SYT6: variants seen among roughly 807,000 people sequenced by gnomAD.
SYT6 encodes synaptotagmin-6.
Under a neutral mutation model 38.4 loss-of-function variants are expected in SYT6, and 24 were observed. That is an observed-to-expected ratio of 0.62 (90% CI 0.45 to 0.88). The LOEUF (loss-of-function observed/expected upper bound fraction) is 0.88, where lower values mean the gene tolerates loss of function less well. Ranked by LOEUF, SYT6 falls within the 40% of genes least tolerant of loss-of-function variation. The pLI, the probability that SYT6 is intolerant of heterozygous loss-of-function variation, is 0.00. For missense variants in SYT6, 611 were observed against 621.0 expected (o/e 0.98, Z 0.17); for synonymous variants, 265 against 241.9 (o/e 1.10, Z -0.89).
intron 1 of SYT6, among the ~76,000 whole-genome samples, chr1:114,142,764 A>G (rs1678931356): frequency 2.0e-5 from 3 of 152,334 alleles, no homozygotes; most frequent in Middle Eastern, 3.4e-3. Flanking sequence ...GCAGCCATCA[A>G]CATCGAAGCA....
rs561898883 is a variant in SYT6 at position 114,090,698 on chromosome 1, C to G, written c.*1436G>C. 6.6e-6 allele frequency: 1 copy of G among 152,306 alleles called. No individual in the cohort carries two copies. Among genetic ancestry groups the G allele is most frequent in the Non-Finnish European group, 1.5e-5 (1 of 68,038 alleles). The allele number at this position is 152,306 out of a possible 1,614,324, so 9.4% of individuals were successfully genotyped here. ...AAACTGGCACTGTGTCGCCACAAGT[C>G]GAAGTAGAAACTCACCTCCATGCGC... On this transcript the variant is annotated 3_prime_UTR_variant, in exon 8 of 8. Transcript: ENST00000610222.
At chr1:114,151,179 C>G (rs1438418273) in intron 1 of SYT6, among the ~76,000 whole-genome samples, 1 of 152,160 alleles carries the variant, frequency 6.6e-6, no homozygotes, top group Non-Finnish European at 1.5e-5. Flanking sequence ...ACCCTCTGGT[C>G]ACCTAAATTC....
chr1:114,102,950 T>C (rs1168780181), intron 4 of SYT6, among the ~76,000 whole-genome samples: 7 of 152,238 alleles, frequency 4.6e-5, no homozygotes. Context: ...ACGTCCATCC[T>C]GCAGGTCTCT....
chr1:114,095,679 G>C (rs1324633077), intron 6 of SYT6, among the ~76,000 whole-genome samples: 2 of 110,030 alleles, frequency 1.8e-5, no homozygotes, highest in Non-Finnish European at 4.1e-5. Context: ...TTTTTTTTTT[G>C]AGATGGAGTC....
chr1:114,092,338 CTGTGTG>C (rs57240903), intron 7 of SYT6, among the ~76,000 whole-genome samples: 55 of 128,476 alleles, frequency 4.3e-4, no homozygotes, highest in African/African-American at 1.1e-3. Context: ...CTCTCTCTCT[CTGTGTG>C]TGTGTGTGTG....
At chr1:114,130,959 T>C (rs993157566) in intron 3 of SYT6, among the ~76,000 whole-genome samples, 1 of 152,198 alleles carries the variant, frequency 6.6e-6, no homozygotes, top group African/African-American at 2.4e-5. Flanking sequence ...ATTCTTTGGC[T>C]CTACTTGAAA....
intron 3 of SYT6, among the ~76,000 whole-genome samples, chr1:114,133,108 C>G (rs1300614774): frequency 6.6e-6 from 1 of 152,120 alleles, no homozygotes; most frequent in East Asian, 1.9e-4. Context: ...CCCTAAAACA[C>G]ACACACACAC....
At chr1:114,136,339 A>C (rs1052732829) in intron 3 of SYT6, among the ~76,000 whole-genome samples, 1 of 152,138 alleles carries the variant, frequency 6.6e-6, no homozygotes, top group Non-Finnish European at 1.5e-5. Context: ...CCCTCCTCAG[A>C]GATATAGTGG....
At chr1:114,109,776 A>C (rs1676562271) in intron 3 of SYT6, among the ~76,000 whole-genome samples, 1 of 152,240 alleles carries the variant, frequency 6.6e-6, no homozygotes, top group Non-Finnish European at 1.5e-5. Context: ...GTGGGCATGC[A>C]GAGCAAGGAA....
chr1:114,140,426 C>T (rs1321253738), intron 1 of SYT6, among the ~76,000 whole-genome samples: 2 of 152,184 alleles, frequency 1.3e-5, no homozygotes, highest in African/African-American at 4.8e-5. Context: ...AGCCCACTTC[C>T]TTAACAGGGT....
At chr1:114,133,226 C>A (rs926635689) in intron 3 of SYT6, among the ~76,000 whole-genome samples, 1 of 152,114 alleles carries the variant, frequency 6.6e-6, no homozygotes, top group Non-Finnish European at 1.5e-5. Context: ...TAGTAGGGAC[C>A]TGGTAAGGCA....
chr1:114,127,606 G>T (rs1677821194), intron 3 of SYT6, among the ~76,000 whole-genome samples: 1 of 152,172 alleles, frequency 6.6e-6, no homozygotes, highest in South Asian at 2.1e-4. Flanking sequence ...TGAGGTTAGG[G>T]CTGCTGTTAC....
chr1:114,151,865 G>A (rs575180844), intron 1 of SYT6, among the ~76,000 whole-genome samples: 2 of 152,218 alleles, frequency 1.3e-5, no homozygotes, highest in South Asian at 4.1e-4. Flanking sequence ...TGTGTTCTGC[G>A]AATCTCCAAG....
rs544693 is a variant in SYT6, at chr1:114,146,142, G to A, written c.164-6179C>T. Among the ~76,000 whole-genome samples, 1,050 of 152,324 alleles carry A rather than the reference G, an allele frequency of 6.9e-3. 14 individuals are homozygous for A. Among genetic ancestry groups the A allele is most frequent in the African/African-American group, 0.024 (995 of 41,558 alleles). ...GACATCTCACTGGCAGGCAGTGCAA[G>A]GAGAATTAGGTCTCAAACACTGAGT... On this transcript the variant is annotated intron_variant, in intron 1 of 7. Coordinates refer to ENST00000610222, the MANE Select transcript of SYT6 (RefSeq NM_001253772.2).
intron 3 of SYT6, among the ~76,000 whole-genome samples, chr1:114,120,126 T>G (rs1178273752): frequency 6.6e-6 from 1 of 152,128 alleles, no homozygotes; most frequent in East Asian, 1.9e-4. Flanking sequence ...CAAAACAAAT[T>G]TGTGAGCTAG....
At chr1:114,123,736 C>G (rs1571864206) in intron 3 of SYT6, among the ~76,000 whole-genome samples, 1 of 152,302 alleles carries the variant, frequency 6.6e-6, no homozygotes, top group Non-Finnish European at 1.5e-5. Context: ...CCTGAAAGAG[C>G]CTGGTAATAT....
chr1:114,111,591 G>A (rs1676678906), intron 3 of SYT6, among the ~76,000 whole-genome samples: 1 of 152,202 alleles, frequency 6.6e-6, no homozygotes. Flanking sequence ...TTCCAGGCCA[G>A]CTGTCCTGTC....
intron 3 of SYT6, among the ~76,000 whole-genome samples, chr1:114,112,768 T>G (rs1676761637): frequency 6.6e-6 from 1 of 152,198 alleles, no homozygotes; most frequent in African/African-American, 2.4e-5. Context: ...ATTAATGAAG[T>G]TAATGATGAA....
chr1:114,112,314 T>C (rs774940068), intron 3 of SYT6, among the ~76,000 whole-genome samples: 1 of 152,170 alleles, frequency 6.6e-6, no homozygotes, highest in African/African-American at 2.4e-5. Context: ...TAGGGACCCA[T>C]TGAGACTAAA....
Sources: gnomAD v4.1 joint callset for allele counts (sites outside exome capture counted in the v4.1 genomes callset) on GRCh38, gnomAD v4.1.1 for gene constraint, MANE v1.5 for transcripts, NCBI Gene and HGNC (gene_info 2026-07-23, HGNC 2026-07-21) for gene names.